Variants in FAM151A observed in about 807,000 individuals in gnomAD.
FAM151A encodes the protein family with sequence similarity 151 member A, also known as protein FAM151A.
A neutral mutation model predicts 40.4 loss-of-function variants in FAM151A; 41 were observed. That is an observed-to-expected ratio of 1.01 (90% CI 0.79 to 1.32). FAM151A has a LOEUF of 1.32. FAM151A is among the 40% of genes most tolerant of loss of function. The probability of loss-of-function intolerance (pLI) is 0.00; values close to 1 mark genes in which losing one functional copy is unlikely to be tolerated. For synonymous variants in FAM151A, 337 were observed against 312.5 expected (o/e 1.08, Z -0.83); for missense variants, 740 against 740.4 (o/e 1.00, Z 0.01).
chr1:54,611,723 C>A lies in FAM151A; in HGVS notation c.823G>T (p.Ala275Ser). ...SERYSLTLWQ[A>S]ASDPMSVEDL... is the part of the protein sequence containing the mutation. ...TCCACCGACATGGGGTCCGAGGCAG[C>A]CTGCCACAGCGTCAGGCTGTACCTG... The change falls in exon 6 of 8, where the codon GCT becomes TCT. Residue 275 changes from alanine to serine, a missense_variant. Physicochemically the swap from Ala to Ser is moderately conservative, Grantham distance 99. Transcript: ENST00000302250. 6.2e-7 allele frequency: 1 copy of A among 1,614,130 alleles called. No individual in the cohort carries two copies. The highest frequency in any genetic ancestry group is 8.5e-7 in the Non-Finnish European group (1 of 1,179,998).
intron 6 of FAM151A, 114 bp from the exon 7 acceptor site, chr1:54,610,669 C>T: frequency 6.8e-7 from 1 of 1,462,130 alleles, no homozygotes; most frequent in Non-Finnish European, 9.0e-7. Context: ...AGCCTCATAG[C>T]ACCCTGCCAA....
intron 3 of FAM151A, among the ~76,000 whole-genome samples, chr1:54,615,531 G>A (rs1348778378): frequency 6.6e-6 from 1 of 152,030 alleles, no homozygotes; most frequent in African/African-American, 2.4e-5. Context: ...GAGGAGGGAG[G>A]TCCTGGAGAG....
At chr1:54,616,961 C>T (rs978089863) in intron 2 of FAM151A, among the ~76,000 whole-genome samples, 2 of 146,926 alleles carry the variant, frequency 1.4e-5, no homozygotes, top group Non-Finnish European at 3.0e-5. Flanking sequence ...CCACTTTGGC[C>T]TCTCAAAGTG....
intron 4 of FAM151A, among the ~76,000 whole-genome samples, chr1:54,613,404 C>T (rs1401650123): frequency 6.6e-6 from 1 of 151,408 alleles, no homozygotes; most frequent in African/African-American, 2.4e-5. Flanking sequence ...TTTTTCCTGT[C>T]TTCCTGCTTT....
chr1:54,623,209 G>T, intron 1 of FAM151A, 69 bp downstream of exon 1: 2 of 1,021,492 alleles, frequency 2.0e-6, no homozygotes, highest in Non-Finnish European at 3.0e-6. Context: ...AGAGCTGTAA[G>T]TGAGAAGTGG....
intron 6 of FAM151A, chr1:54,610,758 G>A: frequency 2.0e-6 from 2 of 983,956 alleles, no homozygotes; most frequent in South Asian, 9.4e-5. Flanking sequence ...AAAGTTGCCA[G>A]GAGTGGAACC....
chr1:54,610,223 CAGG>C, intron 7 of FAM151A, 186 bp downstream of exon 7: 2 of 1,438,042 alleles, frequency 1.4e-6, no homozygotes, highest in Non-Finnish European at 1.8e-6. Context: ...GTCTGAAGGC[CAGG>C]AGCCCTGTGC....
intron 2 of FAM151A, among the ~76,000 whole-genome samples, chr1:54,617,888 G>A (rs1644190542): frequency 6.6e-6 from 1 of 151,304 alleles, no homozygotes; most frequent in African/African-American, 2.4e-5. Flanking sequence ...CACCATGCAC[G>A]GCTAATTTTT....
Position 54,610,417 on chromosome 1 carries a change from A to T in FAM151A, c.1079T>A (p.Leu360His). ...QGSGKTATMT[L>H]PDTEGMILLN... ...GGCTGAAGGGTAGACCTTACCTGGG[A>T]GGGTCATTGTTGCTGTTTTACCGCT... Residue 360 changes from leucine (L) to histidine (H), a missense_variant, in exon 7 of 8, where the codon CTC becomes CAC. By Grantham distance (99) the Leu-to-His change is moderately conservative. Transcript: ENST00000302250. 6.2e-7 allele frequency: 1 copy of T among 1,613,102 alleles called. No homozygotes were observed. The highest frequency in any genetic ancestry group is 8.5e-7 in the Non-Finnish European group (1 of 1,179,400).
At chr1:54,619,769 GCCA>G in intron 2 of FAM151A, 92 bp downstream of exon 2, 1 of 1,313,010 alleles carries the variant, frequency 7.6e-7, no homozygotes, top group South Asian at 1.3e-5. Flanking sequence ...CAGCCATCAT[GCCA>G]CCACAGTGAC....
At chr1:54,616,222 A>C in intron 2 of FAM151A, 50 bp from the exon 3 acceptor site, 1 of 1,506,478 alleles carries the variant, frequency 6.6e-7, no homozygotes, top group Non-Finnish European at 9.1e-7. Context: ...AAAAAAGAAA[A>C]CTTCTTTCTC....
rs1431585550 is a variant in FAM151A at position 54,623,155 on chromosome 1, C to T, written c.118+123G>A. The stretch of plus-strand genomic sequence containing the variant: ...TCGTGCCATTGTACTCCAGCCTGGG[C>T]AACAAGAGCAAAACTCCGTCTAAAA... On this transcript the variant is annotated intron_variant, in intron 1 of 7. Coordinates refer to ENST00000302250, the MANE Select transcript of FAM151A (RefSeq NM_176782.3). 1.1e-5 allele frequency: 7 copies of T among 663,282 alleles called. No homozygotes were observed. In the East Asian group the frequency reaches 1.9e-4, roughly 18 times the overall value. The allele number at this position is 663,282 out of a possible 1,614,324, so 41.1% of individuals were successfully genotyped here. A position where few individuals can be genotyped will look rare whatever the true frequency, so the allele number is the denominator to read the frequency against.
In FAM151A at chr1:54,616,174, T is replaced by C; in HGVS notation, c.263-2A>G. Reference sequence around the variant, plus strand: ...CAGCCTCCAGGACTGTGATGTTGCCTGTGGAAGGGGCAACAACTCAGTGAG... The same window carrying C: ...CAGCCTCCAGGACTGTGATGTTGCCCGTGGAAGGGGCAACAACTCAGTGAG... On this transcript the variant is annotated splice_acceptor_variant, in intron 2 of 7. Coordinates refer to ENST00000302250, the MANE Select transcript of FAM151A (RefSeq NM_176782.3). LOFTEE classifies it high-confidence loss of function. 1.2e-6 allele frequency: 2 copies of C among 1,611,708 alleles called. No individual in the cohort carries two copies. The highest frequency in any genetic ancestry group is 1.1e-5 in the South Asian group (1 of 90,782).
intron 3 of FAM151A, among the ~76,000 whole-genome samples, chr1:54,615,489 T>C (rs1176936654): frequency 6.6e-6 from 1 of 151,600 alleles, no homozygotes; most frequent in African/African-American, 2.4e-5. Context: ...AAGGGAAGCC[T>C]GGAAGGGCTG....
At chr1:54,622,445 G>A (rs906977173) in intron 1 of FAM151A, among the ~76,000 whole-genome samples, 1 of 152,112 alleles carries the variant, frequency 6.6e-6, no homozygotes, top group Non-Finnish European at 1.5e-5. Context: ...GAGCGTGGTG[G>A]CGCACGCCTG....
intron 6 of FAM151A, 88 bp from the exon 7 acceptor site, chr1:54,610,643 A>G (rs1288809294): frequency 2.0e-6 from 3 of 1,537,750 alleles, no homozygotes; most frequent in Non-Finnish European, 1.8e-6. Flanking sequence ...CCACAGCTCT[A>G]CGGGCATCCT....
At chr1:54,612,377 A>AT in intron 5 of FAM151A, 109 bp downstream of exon 5, 1 of 745,636 alleles carries the variant, frequency 1.3e-6, no homozygotes, top group Non-Finnish European at 2.2e-6. Context: ...GAGCACTGGC[A>AT]GGGGTTGGAC....
At chr1:54,619,348 C>T (rs555754679) in intron 2 of FAM151A, among the ~76,000 whole-genome samples, 52 of 152,342 alleles carry the variant, frequency 3.4e-4, no homozygotes, top group Non-Finnish European at 6.9e-4. Context: ...CCACTCTGGG[C>T]TCCAATGTTG....
rs116105596 is a variant in FAM151A, at chr1:54,620,131, G to A, written c.119-124C>T. 7.9e-4 allele frequency: 817 copies of A among 1,028,614 alleles called. 2 individuals are homozygous for A. The highest frequency in any genetic ancestry group is 4.3e-3 in the African/African-American group (271 of 63,166). 63.7% of individuals were successfully genotyped at this position (1,028,614 alleles called of 1,614,324 possible). ...CAGTACCCCATCTGGCAGAGGGACG[G>A]TGAGGCTCAGACTCACTGGTGCTAC... On this transcript the variant is annotated intron_variant, in intron 1 of 7. Transcript: ENST00000302250.
Sources: allele counts gnomAD v4.1 joint callset (sites outside exome capture counted in the v4.1 genomes callset), GRCh38; gene constraint gnomAD v4.1.1; transcripts MANE v1.5; gene names NCBI Gene and HGNC (gene_info 2026-07-23, HGNC 2026-07-21).